HDAC9: variants seen among roughly 807,000 people sequenced by gnomAD.
HDAC9 encodes the protein MEF-2 interacting transcription repressor (MITR) protein.
Under a neutral mutation model 139.4 loss-of-function variants are expected in HDAC9, and 41 were observed. That is an observed-to-expected ratio of 0.29 (90% CI 0.23 to 0.38). The LOEUF (loss-of-function observed/expected upper bound fraction) is 0.38. Among genes scored for constraint, HDAC9 ranks in the 10% least tolerant of loss-of-function variants. The probability of loss-of-function intolerance (pLI) is 1.00; values close to 1 mark genes in which losing one functional copy is unlikely to be tolerated. For synonymous variants in HDAC9, 517 were observed against 476.2 expected (o/e 1.09, Z -1.12); for missense variants, 1,147 against 1,297.0 (o/e 0.88, Z 1.78).
intron 22 of HDAC9, among the ~76,000 whole-genome samples, chr7:18,920,860 G>C (rs1803645510): frequency 6.6e-6 from 1 of 152,054 alleles, no homozygotes. Context: ...GATCATGGTG[G>C]ATAAGCTTTT....
At chr7:18,104,245 ATTT>A (rs10553931) in intron 1 of HDAC9, among the ~76,000 whole-genome samples, 5 of 149,976 alleles carry the variant, frequency 3.3e-5, no homozygotes, top group Non-Finnish European at 5.9e-5. Flanking sequence ...CCATAATTGT[ATTT>A]TTTTTTTTGT....
chr7:18,378,592 G>A (rs901967702), intron 1 of HDAC9, among the ~76,000 whole-genome samples: 11 of 151,914 alleles, frequency 7.2e-5, no homozygotes, highest in African/African-American at 2.7e-4. Flanking sequence ...GTTTACTAGA[G>A]CAAAGTGAAA....
intron 11 of HDAC9, among the ~76,000 whole-genome samples, chr7:18,660,495 T>C (rs574349615): frequency 1.6e-4 from 24 of 152,256 alleles, no homozygotes; most frequent in African/African-American, 5.5e-4. Context: ...CTTATGAAGC[T>C]CCAATTAGGT....
intron 1 of HDAC9, among the ~76,000 whole-genome samples, chr7:18,157,993 T>C (rs1217531744): frequency 1.3e-5 from 2 of 152,176 alleles, no homozygotes; most frequent in Non-Finnish European, 2.9e-5. Flanking sequence ...ATGTCTCAAT[T>C]TGAGAAGAGA....
At chr7:18,839,276 G>A (rs1796435377) in intron 21 of HDAC9, among the ~76,000 whole-genome samples, 1 of 151,948 alleles carries the variant, frequency 6.6e-6, no homozygotes, top group Non-Finnish European at 1.5e-5. Flanking sequence ...CTTTATATAA[G>A]TCACGGAACT....
chr7:18,398,325 T>G (rs911874664), intron 1 of HDAC9, among the ~76,000 whole-genome samples: 3 of 152,226 alleles, frequency 2.0e-5, no homozygotes. Flanking sequence ...AGATTTTAAC[T>G]GATGTCTTTG....
At chr7:18,841,920 C>A (rs1796610766) in intron 21 of HDAC9, among the ~76,000 whole-genome samples, 1 of 151,898 alleles carries the variant, frequency 6.6e-6, no homozygotes. Flanking sequence ...ATGTTTTCAT[C>A]TTTGTTAAAA....
rs1291844596 is a variant in HDAC9, at chr7:18,793,342, C to T, written c.2215-3C>T. On this transcript the variant is annotated splice_polypyrimidine_tract_variant and splice_region_variant and intron_variant, in intron 16 of 25. Coordinates refer to ENST00000686413, the MANE Select transcript of HDAC9 (RefSeq NM_178425.4). ...CTTCGGACTCTGCTGACTGTTTGCT[C>T]AGGTGGACAGTGACACCATTTGGAA... 1.9e-6 allele frequency: 3 copies of T among 1,562,040 alleles called. No individual in the cohort carries two copies. Among genetic ancestry groups the T allele is most frequent in the African/African-American group, 1.4e-5 (1 of 73,632 alleles).
chr7:18,427,119 C>T (rs961674365), intron 1 of HDAC9, among the ~76,000 whole-genome samples: 2 of 152,162 alleles, frequency 1.3e-5, no homozygotes, highest in South Asian at 2.1e-4. Flanking sequence ...TGGAGAGTAA[C>T]AACCAATTGT....
At chr7:18,399,817 G>C (rs1787374824) in intron 1 of HDAC9, among the ~76,000 whole-genome samples, 2 of 152,166 alleles carry the variant, frequency 1.3e-5, no homozygotes, top group Admixed American at 1.3e-4. Context: ...CTGGAGCAGG[G>C]CTGCATAAGG....
chr7:18,540,103 C>CA (rs34620445), intron 2 of HDAC9, among the ~76,000 whole-genome samples: 2,725 of 58,436 alleles, frequency 0.047, 58 homozygotes, highest in African/African-American at 0.077. Context: ...ACTAAAAATA[C>CA]AAAAAAAAAA....
intron 1 of HDAC9, among the ~76,000 whole-genome samples, chr7:18,381,198 C>CAAAAAAAAAAAAAAAAAAAAAAGAAAA (rs1785408839): frequency 5.5e-5 from 4 of 73,340 alleles, no homozygotes; most frequent in East Asian, 4.1e-4. Flanking sequence ...GACTCTGTCT[C>CAAAAAAAAAAAAAAAAAAAAAAGAAAA]AAAAAAAAAA....
Position 18,647,766 on chromosome 7 carries a change from T to C in HDAC9, c.1036-19T>C. ...CATGGATGAAAGAGGATTAACATCT[T>C]TGTTATTTCTCAACACAGGCTTCGA... On this transcript the variant is annotated intron_variant, in intron 9 of 25. Coordinates refer to ENST00000686413, the MANE Select transcript of HDAC9 (RefSeq NM_178425.4). 6.3e-7 allele frequency: 1 copy of C among 1,583,210 alleles called. No individual in the cohort carries two copies. Among genetic ancestry groups the C allele is most frequent in the Non-Finnish European group, 8.6e-7 (1 of 1,162,960 alleles).
At chr7:18,538,522 A>AGCTATTTAC (rs1247859878) in intron 2 of HDAC9, among the ~76,000 whole-genome samples, 1 of 152,160 alleles carries the variant, frequency 6.6e-6, no homozygotes, top group Non-Finnish European at 1.5e-5. Flanking sequence ...TTTACCCCTT[A>AGCTATTTAC]CTAACTAATA....
At chr7:18,564,975 ATTTATT>A (rs1821821029) in intron 2 of HDAC9, among the ~76,000 whole-genome samples, 1 of 147,786 alleles carries the variant, frequency 6.8e-6, no homozygotes, top group African/African-American at 2.5e-5. Context: ...TTATTTATTT[ATTTATT>A]TATTTATTTA....
intron 16 of HDAC9, among the ~76,000 whole-genome samples, chr7:18,783,838 TAG>T (rs1791460409): frequency 6.6e-6 from 1 of 152,044 alleles, no homozygotes; most frequent in Non-Finnish European, 1.5e-5. Flanking sequence ...ATATTTAAGA[TAG>T]AAAAATTGCA....
chr7:18,200,763 C>T (rs1257695462), intron 2 of HDAC9, among the ~76,000 whole-genome samples: 1 of 152,144 alleles, frequency 6.6e-6, no homozygotes, highest in Non-Finnish European at 1.5e-5. Flanking sequence ...AGGTCTCTTT[C>T]ACAGAGGTCA....
At position 18,154,076 on chromosome 7, in the gene HDAC9, T is replaced by C. The variant is rs570337045; in HGVS notation, c.-96-8153T>C. On this transcript the variant is annotated intron_variant, in intron 1 of 12. Coordinates refer to the HDAC9 transcript ENST00000417496. ...CATATTCAAGTTCTGTATAGAAAGATCTATACAATATCCGGGGAATAGACT... is the reference window on the plus strand; with the variant it reads ...CATATTCAAGTTCTGTATAGAAAGACCTATACAATATCCGGGGAATAGACT... 6.4e-4 allele frequency among the ~76,000 whole-genome samples: 98 copies of C among 152,336 alleles called. No homozygotes were observed. In the South Asian group the frequency reaches 0.018, roughly 28 times the overall value.
At chr7:18,418,183 A>C (rs927282583) in intron 1 of HDAC9, among the ~76,000 whole-genome samples, 2 of 152,136 alleles carry the variant, frequency 1.3e-5, no homozygotes. Context: ...TAGTTGTTTC[A>C]GGCAGAAGGG....
Sources: allele counts gnomAD v4.1 joint callset (sites outside exome capture counted in the v4.1 genomes callset), GRCh38; gene constraint gnomAD v4.1.1; transcripts MANE v1.5; gene names NCBI Gene and HGNC (gene_info 2026-07-23, HGNC 2026-07-21).